The following PDE3A variants were observed in gnomAD, a reference collection of about 807,000 sequenced individuals.
PDE3A encodes cGMP-inhibited 3',5'-cyclic phosphodiesterase 3A.
Under a neutral mutation model 98.3 loss-of-function variants are expected in PDE3A, and 43 were observed. The ratio of observed to expected loss-of-function variants is 0.44; its 90% confidence interval spans 0.34 to 0.56. PDE3A has a LOEUF of 0.56. Among genes scored for constraint, PDE3A ranks in the 20% least tolerant of loss-of-function variants. PDE3A has a pLI of 0.01. For synonymous variants in PDE3A, 663 were observed against 567.9 expected (o/e 1.17, Z -2.38); for missense variants, 1,427 against 1,440.7 (o/e 0.99, Z 0.15).
chr12:20,641,698 C>T (rs936340180), intron 10 of PDE3A, among the ~76,000 whole-genome samples: 2 of 152,026 alleles, frequency 1.3e-5, no homozygotes, highest in Non-Finnish European at 2.9e-5. Context: ...TGTTTAAGTA[C>T]AAAAATAAGT....
At chr12:20,638,839 A>G (rs1164383588) in intron 9 of PDE3A, among the ~76,000 whole-genome samples, 2 of 152,042 alleles carry the variant, frequency 1.3e-5, no homozygotes, top group East Asian at 3.9e-4. Context: ...CTTAATCTTC[A>G]TAGTAACTTT....
intron 6 of PDE3A, among the ~76,000 whole-genome samples, chr12:20,630,877 T>G (rs1195475780): frequency 6.6e-6 from 1 of 152,178 alleles, no homozygotes; most frequent in East Asian, 1.9e-4. Flanking sequence ...TGAGAGTACC[T>G]TGAATAAAAC....
intron 2 of PDE3A, among the ~76,000 whole-genome samples, chr12:20,610,705 TA>T (rs1437352841): frequency 6.6e-6 from 1 of 151,942 alleles, no homozygotes; most frequent in Non-Finnish European, 1.5e-5. Flanking sequence ...ATTCACCCTT[TA>T]AAAAGGAAGG....
chr12:20,542,071 C>A (rs1195238875), intron 1 of PDE3A, among the ~76,000 whole-genome samples: 3 of 151,956 alleles, frequency 2.0e-5, no homozygotes, highest in Non-Finnish European at 4.4e-5. Flanking sequence ...TTCTCAACAA[C>A]CTCCCAAAGT....
intron 1 of PDE3A, among the ~76,000 whole-genome samples, chr12:20,530,809 GA>G (rs1202373381): frequency 4.6e-5 from 7 of 152,098 alleles, no homozygotes; most frequent in African/African-American, 1.4e-4. Context: ...ACATTAATTG[GA>G]ATAATGGTCT....
chr12:20,484,954 T>C (rs1264645629), intron 1 of PDE3A, among the ~76,000 whole-genome samples: 1 of 152,208 alleles, frequency 6.6e-6, no homozygotes, highest in Non-Finnish European at 1.5e-5. Context: ...AGAAAATACC[T>C]TGGTCATTCA....
chr12:20,403,325 G>T (rs1024809486), intron 1 of PDE3A, among the ~76,000 whole-genome samples: 1 of 152,140 alleles, frequency 6.6e-6, no homozygotes, highest in Non-Finnish European at 1.5e-5. Context: ...ACAGTTAGCT[G>T]TCCGGTGTGG....
At position 20,552,718 on chromosome 12, in the gene PDE3A, G is replaced by A. The variant is rs1942247502; in HGVS notation, c.961-3942G>A. 2 of 1,613,942 alleles carry A rather than the reference G, an allele frequency of 1.2e-6. No homozygotes were observed. Among genetic ancestry groups the A allele is most frequent in the African/African-American group, 2.7e-5 (2 of 74,940 alleles). On this transcript the variant is annotated intron_variant, in intron 1 of 15. Coordinates refer to ENST00000359062, the MANE Select transcript of PDE3A (RefSeq NM_000921.5). The surrounding 1 kb of genome is among the most constrained non-coding windows in gnomAD (Gnocchi z 5.1). ...GAGCAACGCCAAGCTGTGGAATGAG[G>A]TCCTGGCGTCACTCAAGGACCGGCC...
At chr12:20,411,489 C>T (rs1317204508) in intron 1 of PDE3A, among the ~76,000 whole-genome samples, 2 of 150,334 alleles carry the variant, frequency 1.3e-5, no homozygotes, top group East Asian at 4.0e-4. Flanking sequence ...TTTGACATTT[C>T]TTGTGTTGAC....
intron 1 of PDE3A, among the ~76,000 whole-genome samples, chr12:20,423,140 T>C (rs929226479): frequency 2.0e-4 from 30 of 152,310 alleles, no homozygotes; most frequent in African/African-American, 6.3e-4. Context: ...TATATTTATA[T>C]AAAACATTTT....
At chr12:20,375,122 TA>T (rs1443726122) in intron 1 of PDE3A, among the ~76,000 whole-genome samples, 2 of 151,910 alleles carry the variant, frequency 1.3e-5, no homozygotes, top group Admixed American at 6.6e-5. Context: ...AAATTGAGAT[TA>T]AAAAATATTA....
At chr12:20,663,895 T>A (rs1945242485) in intron 15 of PDE3A, among the ~76,000 whole-genome samples, 2 of 152,140 alleles carry the variant, frequency 1.3e-5, no homozygotes, top group Admixed American at 1.3e-4. Flanking sequence ...AATAATATGA[T>A]TTGGCTATGT....
intron 1 of PDE3A, among the ~76,000 whole-genome samples, chr12:20,386,200 TAA>T (rs377704062): frequency 7.0e-5 from 5 of 71,178 alleles, no homozygotes; most frequent in Non-Finnish European, 1.3e-4. Context: ...TATAAATATA[TAA>T]AAATATATAT....
intron 1 of PDE3A, among the ~76,000 whole-genome samples, chr12:20,393,725 A>G (rs542352790): frequency 3.3e-5 from 5 of 152,196 alleles, no homozygotes; most frequent in African/African-American, 1.2e-4. Flanking sequence ...TACTTTTGGA[A>G]ATAATATTAA....
chr12:20,579,769 A>T (rs371203408), intron 2 of PDE3A, among the ~76,000 whole-genome samples: 3 of 152,218 alleles, frequency 2.0e-5, no homozygotes, highest in African/African-American at 7.2e-5. Flanking sequence ...ATGTACAATG[A>T]TTCAGAGTTG....
rs1942088479 is a variant in PDE3A, at chr12:20,547,474, CTG to C, written c.961-9181_961-9180del. ...AGTACATGATGAAATAGAAAGTGGA[CTG>C]TGTGGTAACCTTTACATCCTTATAT... On this transcript the variant is annotated intron_variant, in intron 1 of 15. Coordinates refer to ENST00000359062, the MANE Select transcript of PDE3A (RefSeq NM_000921.5). 2.0e-5 allele frequency among the ~76,000 whole-genome samples: 3 copies of C among 152,266 alleles called. No individual in the cohort carries two copies. The South Asian group carries it at 6.2e-4, about 32-fold the overall frequency.
chr12:20,518,839 A>AT (rs1178572242), intron 1 of PDE3A, among the ~76,000 whole-genome samples: 1 of 152,120 alleles, frequency 6.6e-6, no homozygotes, highest in South Asian at 2.1e-4. Context: ...GTACTGATGG[A>AT]TTTTTTTATA....
intron 10 of PDE3A, among the ~76,000 whole-genome samples, chr12:20,644,137 T>C (rs1944715592): frequency 6.6e-6 from 1 of 152,052 alleles, no homozygotes; most frequent in Non-Finnish European, 1.5e-5. Flanking sequence ...TTCCAACATA[T>C]CTCCCAAAAG....
intron 1 of PDE3A, among the ~76,000 whole-genome samples, chr12:20,493,022 T>C (rs1003584924): frequency 5.3e-5 from 8 of 152,216 alleles, no homozygotes; most frequent in Non-Finnish European, 1.0e-4. Flanking sequence ...AAGAGGAGAA[T>C]AATAGAACCA....
Sources: allele counts gnomAD v4.1 joint callset (sites outside exome capture counted in the v4.1 genomes callset), GRCh38; gene constraint gnomAD v4.1.1; non-coding constraint Gnocchi (gnomAD v3.1); transcripts MANE v1.5; gene names NCBI Gene and HGNC (gene_info 2026-07-23, HGNC 2026-07-21).